The following ANK2 variants were observed in gnomAD, a reference collection of about 807,000 sequenced individuals.
The protein encoded by ANK2 is ankyrin-2.
ANK2 carries 83 observed loss-of-function variants against 360.5 expected under a neutral mutation model. The ratio of observed to expected loss-of-function variants is 0.23; its 90% confidence interval spans 0.19 to 0.28. The LOEUF (loss-of-function observed/expected upper bound fraction) is 0.28. Among genes scored for constraint, ANK2 ranks in the 10% least tolerant of loss-of-function variants. ANK2 has a pLI of 1.00. For missense variants in ANK2, 4,201 were observed against 4,795.7 expected (o/e 0.88, Z 3.66); for synonymous variants, 1,740 against 1,759.5 (o/e 0.99, Z 0.28).
chr4:113,097,876 G>GTATGTATATATA (rs1562040937), intron 1 of ANK2, among the ~76,000 whole-genome samples: 172 of 105,938 alleles, frequency 1.6e-3, no homozygotes, highest in African/African-American at 5.0e-3. Flanking sequence ...GTATATATAT[G>GTATGTATATATA]CACACACACA....
At chr4:113,279,211 C>A (rs911588309) in intron 17 of ANK2, among the ~76,000 whole-genome samples, 1 of 152,078 alleles carries the variant, frequency 6.6e-6, no homozygotes, top group African/African-American at 2.4e-5. Flanking sequence ...GTCTTTCGTT[C>A]ATTAATTAAG....
At chr4:112,706,526 C>T in the ANK2 span, among the ~76,000 whole-genome samples, 1 of 152,124 alleles carries the variant, frequency 6.6e-6, no homozygotes, top group East Asian at 1.9e-4. Context: ...CCTCCCACCC[C>T]GCACAGAGGC....
chr4:113,226,905 C>T (rs1371953999), intron 4 of ANK2, among the ~76,000 whole-genome samples: 2 of 152,144 alleles, frequency 1.3e-5, no homozygotes, highest in Non-Finnish European at 2.9e-5. Context: ...ATATCTTTGA[C>T]TTTTTTATAC....
At chr4:112,735,464 C>T in the ANK2 span, among the ~76,000 whole-genome samples, 1 of 152,136 alleles carries the variant, frequency 6.6e-6, no homozygotes, top group African/African-American at 2.4e-5. Flanking sequence ...ACATTGCAGC[C>T]TCTTCCACCT....
intron 2 of ANK2, among the ~76,000 whole-genome samples, chr4:112,968,473 T>A (rs184874993): frequency 2.9e-4 from 44 of 152,306 alleles, no homozygotes; most frequent in Admixed American, 6.5e-4. Flanking sequence ...TGGGCCAGAT[T>A]TTTTCTTCCA....
At chr4:112,826,931 A>G (rs935356746) in intron 1 of ANK2, 4 of 1,537,014 alleles carry the variant, frequency 2.6e-6, no homozygotes, top group Non-Finnish European at 2.7e-6. Flanking sequence ...TCTTAGCAAC[A>G]AACTCTGAAT....
intron 2 of ANK2, among the ~76,000 whole-genome samples, chr4:112,927,947 T>C (rs1007229174): frequency 5.9e-5 from 9 of 152,240 alleles, no homozygotes; most frequent in African/African-American, 2.2e-4. Flanking sequence ...TTTCCGTAGT[T>C]AATTAAGAAA....
At chr4:113,249,535 T>A (rs981731943) in intron 9 of ANK2, among the ~76,000 whole-genome samples, 1 of 152,214 alleles carries the variant, frequency 6.6e-6, no homozygotes, top group African/African-American at 2.4e-5. Context: ...TCTCCCTGTC[T>A]CTGTTTTGTT....
intron 1 of ANK2, among the ~76,000 whole-genome samples, chr4:112,859,406 C>T (rs891595769): frequency 7.9e-5 from 12 of 152,162 alleles, no homozygotes; most frequent in East Asian, 3.9e-4. Context: ...GCTATTCTTA[C>T]GTGGTTCCAA....
At chr4:113,191,370 A>G (rs1165591050) in intron 2 of ANK2, among the ~76,000 whole-genome samples, 1 of 152,218 alleles carries the variant, frequency 6.6e-6, no homozygotes, top group East Asian at 1.9e-4. Context: ...ATAAATAAAT[A>G]AATAGAGTTG....
intron 2 of ANK2, among the ~76,000 whole-genome samples, chr4:112,972,162 G>A (rs2039765555): frequency 6.6e-6 from 1 of 152,148 alleles, no homozygotes; most frequent in Non-Finnish European, 1.5e-5. Context: ...AGATGCTATT[G>A]TGATCACTGT....
intron 23 of ANK2, among the ~76,000 whole-genome samples, chr4:113,310,796 T>A (rs35335819): frequency 0.026 from 3,967 of 152,320 alleles, 85 homozygotes; most frequent in Non-Finnish European, 0.041. Context: ...TTGTATTATG[T>A]GACAGATTCT....
chr4:112,781,827 ATTTTT>A, the ANK2 span, among the ~76,000 whole-genome samples: 2 of 124,774 alleles, frequency 1.6e-5, no homozygotes, highest in East Asian at 4.5e-4. Flanking sequence ...TGATAACAGT[ATTTTT>A]TTTTTTTTTT....
At chr4:112,964,429 A>G (rs565559648) in intron 2 of ANK2, among the ~76,000 whole-genome samples, 1 of 151,874 alleles carries the variant, frequency 6.6e-6, no homozygotes, top group African/African-American at 2.4e-5. Context: ...GCACCTGAAA[A>G]GTTTGTCTTT....
At chr4:113,269,859 G>T (rs2057844129) in intron 14 of ANK2, among the ~76,000 whole-genome samples, 1 of 152,166 alleles carries the variant, frequency 6.6e-6, no homozygotes, top group Non-Finnish European at 1.5e-5. Flanking sequence ...TCTTGTAACA[G>T]GTTCCACAGA....
At chr4:113,226,430 T>C (rs2153513335) in intron 4 of ANK2, among the ~76,000 whole-genome samples, 1 of 152,312 alleles carries the variant, frequency 6.6e-6, no homozygotes, top group African/African-American at 2.4e-5. Flanking sequence ...ATACCTTGCC[T>C]GCTTCTGTGT....
chr4:113,184,229 T>C (rs1265252281), intron 2 of ANK2, among the ~76,000 whole-genome samples: 1 of 151,320 alleles, frequency 6.6e-6, no homozygotes, highest in Non-Finnish European at 1.5e-5. Flanking sequence ...TTTTGGGAAA[T>C]GGGAAGTGAT....
chr4:113,302,646 A>G (rs2075543118), intron 22 of ANK2, 121 bp from the exon 23 acceptor site: 4 of 781,454 alleles, frequency 5.1e-6, no homozygotes, highest in Non-Finnish European at 9.0e-6. Flanking sequence ...CGCGGGAAAG[A>G]TCCCGTAGTC....
In ANK2 at chr4:113,357,016, G is replaced by T; in HGVS notation, c.8398G>T (p.Asp2800Tyr). 6.2e-7 allele frequency: 1 copy of T among 1,614,056 alleles called. No homozygotes were observed. The highest frequency in any genetic ancestry group is 8.5e-7 in the Non-Finnish European group (1 of 1,179,974). Reference sequence around the variant, plus strand: ...AGGTCTACAGAGTCCGACTGGTGATGATGTTGATGAACAGCCAGTCATCTA... The same window carrying T: ...AGGTCTACAGAGTCCGACTGGTGATTATGTTGATGAACAGCCAGTCATCTA... ...SSGLQSPTGDDVDEQPVIYKE... is the reference protein window; with the variant it reads ...SSGLQSPTGDYVDEQPVIYKE... The change falls in exon 38 of 46, where the codon GAT (aspartate) becomes TAT (tyrosine). Residue 2800 changes from aspartate (D) to tyrosine (Y), a missense_variant. By Grantham distance (160) the Asp-to-Tyr change is radical. Coordinates refer to ENST00000357077, the MANE Select transcript of ANK2 (RefSeq NM_001148.6).
Sources: gnomAD v4.1 joint callset for allele counts (sites outside exome capture counted in the v4.1 genomes callset) on GRCh38, gnomAD v4.1.1 for gene constraint, MANE v1.5 for transcripts, NCBI Gene and HGNC (gene_info 2026-07-23, HGNC 2026-07-21) for gene names.